SPON1: variants seen among roughly 807,000 people sequenced by gnomAD.
The protein encoded by SPON1 is spondin-1.
SPON1 carries 52 observed loss-of-function variants against 111.7 expected under a neutral mutation model. That is an observed-to-expected ratio of 0.47 (90% confidence interval 0.37 to 0.59). SPON1 has a LOEUF of 0.59. Ranked by LOEUF, SPON1 falls within the 20% of genes least tolerant of loss-of-function variation. SPON1 has a pLI of 0.00. For synonymous variants in SPON1, 410 were observed against 395.8 expected (o/e 1.04, Z -0.43); for missense variants, 957 against 1,068.5 (o/e 0.90, Z 1.46).
intron 2 of SPON1, among the ~76,000 whole-genome samples, chr11:13,994,571 G>A (rs1349957751): frequency 6.6e-6 from 1 of 152,142 alleles, no homozygotes; most frequent in African/African-American, 2.4e-5. Context: ...ATTTGAGCAG[G>A]TTAAATCGAT....
intron 14 of SPON1, among the ~76,000 whole-genome samples, chr11:14,261,006 A>G (rs1849165143): frequency 1.3e-5 from 2 of 152,156 alleles, no homozygotes; most frequent in African/African-American, 4.8e-5. Flanking sequence ...GACACATACG[A>G]AAAACAGCAC....
intron 6 of SPON1, among the ~76,000 whole-genome samples, chr11:14,156,429 TC>T (rs1847847267): frequency 7.0e-6 from 1 of 143,304 alleles, no homozygotes; most frequent in Non-Finnish European, 1.5e-5. Context: ...AAAAATTTTC[TC>T]CCATTCTGTA....
chr11:14,035,136 G>A (rs1172520246), intron 2 of SPON1, among the ~76,000 whole-genome samples: 1 of 152,178 alleles, frequency 6.6e-6, no homozygotes, highest in Non-Finnish European at 1.5e-5. Flanking sequence ...GGGGTCTTTT[G>A]TTGTGGGTTG....
At chr11:14,192,068 G>GA in intron 6 of SPON1, among the ~76,000 whole-genome samples, 1 of 152,128 alleles carries the variant, frequency 6.6e-6, no homozygotes, top group East Asian at 1.9e-4. Flanking sequence ...ATATACTTCA[G>GA]AAAATAAAGA....
intron 5 of SPON1, among the ~76,000 whole-genome samples, chr11:14,120,044 C>A (rs1047207345): frequency 1.3e-5 from 2 of 152,130 alleles, no homozygotes; most frequent in African/African-American, 4.8e-5. Flanking sequence ...TTAAACTGGA[C>A]AGTGCCACTC....
At chr11:13,992,300 T>G (rs1402246621) in intron 2 of SPON1, among the ~76,000 whole-genome samples, 1 of 152,188 alleles carries the variant, frequency 6.6e-6, no homozygotes, top group African/African-American at 2.4e-5. Flanking sequence ...GCAGCCTTGC[T>G]CAGCTGCAGT....
intron 2 of SPON1, among the ~76,000 whole-genome samples, chr11:14,035,106 T>C (rs1363548498): frequency 6.6e-6 from 1 of 152,226 alleles, no homozygotes; most frequent in Non-Finnish European, 1.5e-5. Context: ...CAAGTACTTA[T>C]GTGTATGTTG....
chr11:14,070,969 G>A (rs1848871231), intron 3 of SPON1, among the ~76,000 whole-genome samples: 1 of 152,108 alleles, frequency 6.6e-6, no homozygotes, highest in Admixed American at 6.5e-5. Context: ...ACATACTGAG[G>A]AATTTAATTT....
intron 1 of SPON1, among the ~76,000 whole-genome samples, chr11:13,978,372 G>C (rs1326838795): frequency 6.6e-6 from 1 of 152,168 alleles, no homozygotes; most frequent in African/African-American, 2.4e-5. Context: ...GAGCCAACCA[G>C]TCTAGGAACA....
chr11:14,257,732 C>A lies in SPON1; in HGVS notation c.1326C>A (p.Thr442=). ...EEKDEDDTPE[T]CIYSNWSPWS... is the part of the protein sequence containing the mutation. ...TCTTTCCAGATGACACCCCTGAAAC[C>A]TGCATCTACTCCAACTGGTCCCCAT... The change falls in exon 11 of 16, where the codon ACC becomes ACA. Residue 442 remains threonine (T), a synonymous_variant. Coordinates refer to ENST00000576479, the MANE Select transcript of SPON1 (RefSeq NM_006108.4). The A allele has an allele frequency of 6.2e-7, 1 of 1,611,906 alleles. No homozygotes were observed. The highest frequency in any genetic ancestry group is 8.5e-7 in the Non-Finnish European group (1 of 1,179,008).
At chr11:14,082,680 C>T (rs1425875817) in intron 5 of SPON1, among the ~76,000 whole-genome samples, 3 of 152,086 alleles carry the variant, frequency 2.0e-5, no homozygotes, top group East Asian at 1.9e-4. Context: ...AGACTGGAGC[C>T]GTTTAAAAGG....
chr11:14,149,493 A>G (rs144748721), intron 6 of SPON1, among the ~76,000 whole-genome samples: 1 of 152,286 alleles, frequency 6.6e-6, no homozygotes, highest in Non-Finnish European at 1.5e-5. Flanking sequence ...TTATTGAAGA[A>G]AAGTGTTTTT....
intron 3 of SPON1, among the ~76,000 whole-genome samples, chr11:14,045,684 CTT>C (rs1475240560): frequency 1.3e-5 from 2 of 149,078 alleles, no homozygotes; most frequent in African/African-American, 2.4e-5. Context: ...GTAAATACAT[CTT>C]ATATATTTAC....
In SPON1 at chr11:14,227,707, G is replaced by T. The variant is rs142127878; in HGVS notation, c.826-15625G>T. 8.2e-3 allele frequency among the ~76,000 whole-genome samples: 1,244 copies of T among 152,278 alleles called. 14 individuals carry two copies. The highest frequency in any genetic ancestry group is 0.013 in the Non-Finnish European group (882 of 68,008). ...CTCATTTGTACCTTGGAACAGGCCT[G>T]TAAGGTAGATTATTATCCCCATTTT... On this transcript the variant is annotated intron_variant, in intron 6 of 15. Transcript: ENST00000576479.
At chr11:14,261,873 T>A (rs894967913) in intron 14 of SPON1, among the ~76,000 whole-genome samples, 1 of 152,132 alleles carries the variant, frequency 6.6e-6, no homozygotes, top group Non-Finnish European at 1.5e-5. Context: ...TGATCCCCAT[T>A]TTGCAGATAA....
rs528106177 is a variant in SPON1, at chr11:14,259,767, C to T, written c.1831+66C>T. The T allele has an allele frequency of 6.8e-6, 10 of 1,478,284 alleles. No homozygotes were observed. The highest frequency in any genetic ancestry group is 1.4e-5 in the African/African-American group (1 of 71,822). 91.6% of individuals were successfully genotyped at this position (1,478,284 alleles called of 1,614,324 possible). A position where few individuals can be genotyped will look rare whatever the true frequency, so the allele number is the denominator to read the frequency against. ...GACAGGCGTGGAGGGCCATGGCATC[C>T]ACTATTACCACCATAAAGGTCGGAG... On this transcript the variant is annotated intron_variant, in intron 13 of 15. Transcript: ENST00000576479. The surrounding 1 kb of genome is among the most constrained non-coding windows in gnomAD (Gnocchi z 5.0).
At chr11:14,140,199 G>C (rs1847637662) in intron 6 of SPON1, among the ~76,000 whole-genome samples, 1 of 152,144 alleles carries the variant, frequency 6.6e-6, no homozygotes, top group South Asian at 2.1e-4. Context: ...ATCCACGTCT[G>C]CTTCTTTCCA....
At chr11:14,190,322 G>A (rs1185752274) in intron 6 of SPON1, among the ~76,000 whole-genome samples, 1 of 152,158 alleles carries the variant, frequency 6.6e-6, no homozygotes, top group African/African-American at 2.4e-5. Context: ...TTTTTAAAAT[G>A]CTGCTTTACT....
chr11:14,257,584 A>G, intron 10 of SPON1, 132 bp from the exon 11 acceptor site: 1 of 711,200 alleles, frequency 1.4e-6, no homozygotes, highest in Admixed American at 3.5e-5. Flanking sequence ...CTTCCATCCC[A>G]GGAGCACCCA....
Sources: allele counts gnomAD v4.1 joint callset (sites outside exome capture counted in the v4.1 genomes callset), GRCh38; gene constraint gnomAD v4.1.1; non-coding constraint Gnocchi (gnomAD v3.1); transcripts MANE v1.5; gene names NCBI Gene and HGNC (gene_info 2026-07-23, HGNC 2026-07-21).